The following TPTE variants were observed in gnomAD, a reference collection of about 807,000 sequenced individuals.
The protein encoded by TPTE is putative tyrosine-protein phosphatase TPTE.
TPTE carries 59 observed loss-of-function variants against 84.1 expected under a neutral mutation model. That is an observed-to-expected ratio of 0.70 (90% CI 0.57 to 0.87). TPTE has a LOEUF of 0.87. TPTE is among the 40% of genes least tolerant of loss of function. The pLI is 0.00. For synonymous variants in TPTE, 130 were observed against 223.5 expected (o/e 0.58, Z 3.73); for missense variants, 382 against 659.6 (o/e 0.58, Z 4.61).
chr21:10,560,221 C>T (rs2074769714), intron 9 of TPTE, among the ~76,000 whole-genome samples: 2 of 152,306 alleles, frequency 1.3e-5, no homozygotes, highest in Non-Finnish European at 1.5e-5. Flanking sequence ...TTTATTAGTA[C>T]CTTATACATC....
At chr21:10,522,057 C>T (rs1288489490) in intron 1 of TPTE, among the ~76,000 whole-genome samples, 1 of 151,994 alleles carries the variant, frequency 6.6e-6, no homozygotes, top group African/African-American at 2.4e-5. Context: ...AAAGGGGGCG[C>T]GCCCCCCGCC....
rs1226180949 is a variant in TPTE, at chr21:10,527,405, C to T, written c.-51C>T. 1 of 152,766 alleles carries T rather than the reference C, an allele frequency of 6.5e-6. No individual in the cohort carries two copies. Among genetic ancestry groups the T allele is most frequent in the African/African-American group, 2.4e-5 (1 of 41,488 alleles). The allele number at this position is 152,766 out of a possible 1,614,324, so 9.5% of individuals were successfully genotyped here. ...ACTGTATGCTCTTGACAACTATGACCACAATGGGTGAGTTGACTGATCTAA... is the reference window on the plus strand; with the variant it reads ...ACTGTATGCTCTTGACAACTATGACTACAATGGGTGAGTTGACTGATCTAA... On this transcript the variant is annotated 5_prime_UTR_variant, in exon 3 of 24. Transcript: ENST00000618007.
chr21:10,535,815 C>G (rs886108663), intron 3 of TPTE, among the ~76,000 whole-genome samples: 16 of 152,306 alleles, frequency 1.1e-4, no homozygotes, highest in Non-Finnish European at 2.2e-4. Flanking sequence ...AACCCACAAT[C>G]ATTTTGTAGG....
chr21:10,524,404 G>T (rs1324498503), intron 1 of TPTE, among the ~76,000 whole-genome samples, 176 bp from the exon 2 acceptor site: 2 of 152,302 alleles, frequency 1.3e-5, no homozygotes, highest in African/African-American at 4.8e-5. Context: ...GGGACAACCC[G>T]TGGGTGTAAG....
At chr21:10,544,553 T>G (rs1375960391) in intron 7 of TPTE, among the ~76,000 whole-genome samples, 1 of 152,302 alleles carries the variant, frequency 6.6e-6, no homozygotes, top group East Asian at 1.9e-4. Context: ...CCAGACAAAT[T>G]TTTTGTATTT....
chr21:10,597,412 C>CTTTTTTTTTTT (rs146272836), intron 20 of TPTE, among the ~76,000 whole-genome samples: 1 of 139,902 alleles, frequency 7.1e-6, no homozygotes, highest in Non-Finnish European at 1.6e-5. Context: ...TTTCTTTTTT[C>CTTTTTTTTTTT]TTTTTTTTTT....
intron 9 of TPTE, among the ~76,000 whole-genome samples, chr21:10,560,195 ATTAT>A (rs1270395049): frequency 1.3e-5 from 2 of 152,294 alleles, no homozygotes; most frequent in Non-Finnish European, 2.9e-5. Context: ...AAATTCTATA[ATTAT>A]TAGTAAAGTG....
intron 10 of TPTE, among the ~76,000 whole-genome samples, chr21:10,566,850 A>G (rs150136890): frequency 0.015 from 2,288 of 151,288 alleles, no homozygotes; most frequent in East Asian, 0.15. Flanking sequence ...GGTGCCGGGC[A>G]CCTGTAATCC....
chr21:10,550,080 TGAA>T (rs1403777005), intron 7 of TPTE, among the ~76,000 whole-genome samples: 1 of 152,310 alleles, frequency 6.6e-6, no homozygotes, highest in East Asian at 1.9e-4. Context: ...CCTTTACAAA[TGAA>T]GAAGACATAA....
chr21:10,605,420 T>C lies in TPTE; in HGVS notation c.1524T>C (p.Leu508=). The change falls in exon 24 of 24, where the codon CTT becomes CTC. Residue 508 remains leucine, a synonymous_variant. Transcript: ENST00000618007. ...LHTSFIENNR[L]YLPKNELDNL... The stretch of plus-strand genomic sequence containing the variant: ...AATAATTTTTTTCTATTCTTAGGCT[T>C]TATCTACCAAAAAATGAATTGGATA... The C allele has an allele frequency of 6.2e-7, 1 of 1,614,034 alleles. No individual in the cohort carries two copies. The highest frequency in any genetic ancestry group is 1.3e-5 in the African/African-American group (1 of 75,086).
At chr21:10,564,659 A>C (rs2074879940) in intron 10 of TPTE, among the ~76,000 whole-genome samples, 1 of 152,312 alleles carries the variant, frequency 6.6e-6, no homozygotes, top group African/African-American at 2.4e-5. Flanking sequence ...CATCATGACA[A>C]GTGGGATGTG....
intron 10 of TPTE, among the ~76,000 whole-genome samples, chr21:10,566,079 G>A (rs994840814): frequency 2.4e-4 from 36 of 152,300 alleles, no homozygotes. Context: ...ACAGTCCACA[G>A]AATGGGAGAA....
rs1243345093 is a variant in TPTE, at chr21:10,595,884, C to A, written c.1171-98C>A. 625 of 1,455,558 alleles carry A rather than the reference C, an allele frequency of 4.3e-4. No homozygotes were observed. The African/African-American group carries it at 7.9e-3, about 18-fold the overall frequency. 90.2% of individuals were successfully genotyped at this position (1,455,558 alleles called of 1,614,324 possible). On this transcript the variant is annotated intron_variant, in intron 19 of 23. Coordinates refer to ENST00000618007, the MANE Select transcript of TPTE (RefSeq NM_199261.4). ...CATCCAGTAAATGTTTCCTTAATTACTTACCTCCATTAACAAGCTTTATGC... is the reference window on the plus strand; with the variant it reads ...CATCCAGTAAATGTTTCCTTAATTAATTACCTCCATTAACAAGCTTTATGC...
Position 10,551,090 on chromosome 21 carries a change from G to A in TPTE, c.174-1567G>A, listed in dbSNP as rs191712481. Among the ~76,000 whole-genome samples, 10 of 152,422 alleles carry A rather than the reference G, an allele frequency of 6.6e-5. No individual in the cohort carries two copies. In the East Asian group the frequency reaches 1.7e-3, roughly 26 times the overall value. Reference sequence around the variant, plus strand: ...AACACAATATACCAAAACAGGGGACGCAGCAAAAGCAGTTATTAAGAACTA... The same window carrying A: ...AACACAATATACCAAAACAGGGGACACAGCAAAAGCAGTTATTAAGAACTA... On this transcript the variant is annotated intron_variant, in intron 7 of 23. Transcript: ENST00000618007.
At chr21:10,527,909 A>G (rs1354406769) in intron 3 of TPTE, among the ~76,000 whole-genome samples, 1 of 152,306 alleles carries the variant, frequency 6.6e-6, no homozygotes, top group Non-Finnish European at 1.5e-5. Context: ...GGGACTTGAT[A>G]ATTAGGAAAT....
chr21:10,587,864 T>G (rs2075394811), intron 17 of TPTE, among the ~76,000 whole-genome samples: 1 of 152,280 alleles, frequency 6.6e-6, no homozygotes, highest in Non-Finnish European at 1.5e-5. Context: ...TTTTGTTTGT[T>G]TTTGAGATGG....
At chr21:10,542,744 A>ATT (rs3049903) in intron 6 of TPTE, among the ~76,000 whole-genome samples, 6 of 150,506 alleles carry the variant, frequency 4.0e-5, no homozygotes, top group Admixed American at 2.0e-4. Context: ...GGCCATAGAG[A>ATT]TTTTTTTTTT....
At chr21:10,572,067 A>C (rs1420104915) in intron 14 of TPTE, among the ~76,000 whole-genome samples, 1 of 152,308 alleles carries the variant, frequency 6.6e-6, no homozygotes, top group Non-Finnish European at 1.5e-5. Context: ...TATGGCCAAA[A>C]TCTAGGAAGC....
At chr21:10,549,434 G>A (rs1327012959) in intron 7 of TPTE, among the ~76,000 whole-genome samples, 5 of 152,282 alleles carry the variant, frequency 3.3e-5, no homozygotes, top group African/African-American at 1.2e-4. Flanking sequence ...TGAGATGTAA[G>A]GTAATACAGA....
Sources: allele counts gnomAD v4.1 joint callset (sites outside exome capture counted in the v4.1 genomes callset), GRCh38; gene constraint gnomAD v4.1.1; transcripts MANE v1.5; gene names NCBI Gene and HGNC (gene_info 2026-07-23, HGNC 2026-07-21).